Variants in CCDC73 observed in about 807,000 individuals in gnomAD.
CCDC73 encodes coiled-coil domain containing 73, also known as coiled-coil domain-containing protein 73.
Under a neutral mutation model 116.5 loss-of-function variants are expected in CCDC73, and 95 were observed. The observed-to-expected ratio is 0.82, with a 90% CI of 0.69 to 0.97. The LOEUF (loss-of-function observed/expected upper bound fraction) is 0.97. CCDC73 is among the 50% of genes least tolerant of loss of function. The pLI is 0.00. For missense variants in CCDC73, 1,066 were observed against 1,206.8 expected (o/e 0.88, Z 1.73); for synonymous variants, 398 against 401.3 (o/e 0.99, Z 0.10).
intron 16 of CCDC73, 65 bp from the exon 17 acceptor site, chr11:32,611,330 A>C: frequency 7.2e-7 from 1 of 1,379,678 alleles, no homozygotes; most frequent in Non-Finnish European, 1.0e-6. Context: ...TAGTGACTGA[A>C]CTTGTTTCTG....
At chr11:32,796,928 C>G (rs992911219), upstream of CCDC73, among the ~76,000 whole-genome samples, 1 of 148,202 alleles carries the variant, frequency 6.7e-6, no homozygotes, top group Non-Finnish European at 1.5e-5. Flanking sequence ...GTAAGAATCG[C>G]TTGAACCCAG....
At chr11:32,796,130 G>T (rs2133413100), upstream of CCDC73, among the ~76,000 whole-genome samples, 1 of 152,264 alleles carries the variant, frequency 6.6e-6, no homozygotes, top group Middle Eastern at 3.4e-3. Context: ...TAACACCCAT[G>T]CACATCCCCT....
intron 2 of CCDC73, among the ~76,000 whole-genome samples, chr11:32,752,926 C>T (rs1041547627): frequency 5.3e-5 from 8 of 152,166 alleles, no homozygotes; most frequent in Admixed American, 3.9e-4. Context: ...CCTCAGCCTC[C>T]TGCCCAGGTA....
intron 3 of CCDC73, among the ~76,000 whole-genome samples, chr11:32,712,758 T>C (rs542801712): frequency 7.0e-6 from 1 of 142,132 alleles, no homozygotes; most frequent in Non-Finnish European, 1.5e-5. Context: ...TTACTTTTTA[T>C]GTTATTCATT....
At position 32,683,566 on chromosome 11, in the gene CCDC73, T is replaced by C. The variant is rs1409908795; in HGVS notation, c.399A>G (p.Lys133=). The C allele has an allele frequency of 6.7e-7, 1 of 1,494,936 alleles. No homozygotes were observed. Among genetic ancestry groups the C allele is most frequent in the African/African-American group, 1.4e-5 (1 of 72,110 alleles). 92.6% of individuals were successfully genotyped at this position (1,494,936 alleles called of 1,614,324 possible). A position where few individuals can be genotyped will look rare whatever the true frequency, so the allele number is the denominator to read the frequency against. ...KETLKALQVS[K]YSLQKKVSEM... ...CACTCACTTTCTTCTGTAAAGAGTA[T>C]TTAGAAACCTTGAAAAATAAGGGGG... The change falls in exon 7 of 18, where the codon AAA becomes AAG. Residue 133 remains lysine, a synonymous_variant. Coordinates refer to ENST00000335185, the MANE Select transcript of CCDC73 (RefSeq NM_001008391.4).
intron 1 of CCDC73, among the ~76,000 whole-genome samples, chr11:32,785,039 G>A (rs1479072621): frequency 3.3e-5 from 5 of 152,068 alleles, no homozygotes; most frequent in Admixed American, 1.3e-4. Context: ...GGTGGTGGGC[G>A]CCTGTAATCC....
intron 3 of CCDC73, among the ~76,000 whole-genome samples, chr11:32,715,770 A>AAAACC (rs1849939829): frequency 6.6e-6 from 1 of 152,116 alleles, no homozygotes. Context: ...TAAGACTATA[A>AAAACC]AAACCAATAA....
chr11:32,706,184 C>T (rs1024452261), intron 3 of CCDC73, among the ~76,000 whole-genome samples: 1 of 152,070 alleles, frequency 6.6e-6, no homozygotes, highest in Non-Finnish European at 1.5e-5. Flanking sequence ...TGACTCTAAC[C>T]ACACCTGCAA....
chr11:32,668,207 C>A (rs757313395), intron 9 of CCDC73, among the ~76,000 whole-genome samples: 1 of 152,072 alleles, frequency 6.6e-6, no homozygotes, highest in Admixed American at 6.5e-5. Flanking sequence ...ATTTTCCCTA[C>A]TGGTAAAATA....
At chr11:32,686,209 C>CAAAA (rs34582756) in intron 6 of CCDC73, among the ~76,000 whole-genome samples, 26 of 56,848 alleles carry the variant, frequency 4.6e-4, no homozygotes, top group African/African-American at 8.6e-4. Flanking sequence ...GAGGGAAAGC[C>CAAAA]AAAAAAAAAA....
chr11:32,644,253 A>G (rs990956918), intron 12 of CCDC73, among the ~76,000 whole-genome samples: 3 of 152,190 alleles, frequency 2.0e-5, no homozygotes, highest in Admixed American at 6.5e-5. Context: ...CAAATACCAC[A>G]TGTTCTCACT....
At chr11:32,810,386 C>A in the CCDC73 span, among the ~76,000 whole-genome samples, 1 of 152,158 alleles carries the variant, frequency 6.6e-6, no homozygotes, top group Non-Finnish European at 1.5e-5. Flanking sequence ...AATAACTGAA[C>A]TTAAAGCTAA....
intron 9 of CCDC73, among the ~76,000 whole-genome samples, chr11:32,661,304 A>C (rs1855920996): frequency 6.6e-6 from 1 of 152,062 alleles, no homozygotes. Context: ...GTGAATCGAC[A>C]ATTTTTTTTA....
rs141373063 is a variant in CCDC73, at chr11:32,677,031, C to G, written c.430-1010G>C. On this transcript the variant is annotated intron_variant, in intron 7 of 17. Transcript: ENST00000335185. ...ATAACACTTGTTAGAAGTTTTTTAT[C>G]TTCACTTGACATTAGCAGAATCATT... 7.2e-3 allele frequency among the ~76,000 whole-genome samples: 1,094 copies of G among 152,246 alleles called. 12 individuals are homozygous for G. Among genetic ancestry groups the G allele is most frequent in the African/African-American group, 0.025 (1,023 of 41,550 alleles).
intron 12 of CCDC73, among the ~76,000 whole-genome samples, chr11:32,652,410 A>G (rs1855834376): frequency 2.0e-5 from 3 of 152,328 alleles, no homozygotes; most frequent in Non-Finnish European, 2.9e-5. Context: ...CTTTACTGGT[A>G]ACACTAGAGT....
At chr11:32,691,087 C>G (rs1256304464) in intron 6 of CCDC73, among the ~76,000 whole-genome samples, 1 of 151,854 alleles carries the variant, frequency 6.6e-6, no homozygotes, top group East Asian at 1.9e-4. Flanking sequence ...TCTTGTCCCC[C>G]AGGCTGGAGT....
At chr11:32,803,240 G>A in the CCDC73 span, among the ~76,000 whole-genome samples, 18 of 152,142 alleles carry the variant, frequency 1.2e-4, no homozygotes, top group Admixed American at 5.9e-4. Flanking sequence ...ACAGATGTGC[G>A]CCACCACATC....
chr11:32,667,490 C>T (rs936461483), intron 9 of CCDC73, among the ~76,000 whole-genome samples: 5 of 152,166 alleles, frequency 3.3e-5, no homozygotes, highest in African/African-American at 7.2e-5. Flanking sequence ...TCCTGGTGTG[C>T]CATTTGCTAG....
intron 3 of CCDC73, among the ~76,000 whole-genome samples, chr11:32,714,631 A>C (rs573772832): frequency 6.6e-6 from 1 of 152,218 alleles, no homozygotes; most frequent in South Asian, 2.1e-4. Context: ...GGTTTCACTA[A>C]TACATGGAAT....
Sources: gnomAD v4.1 joint callset for allele counts (sites outside exome capture counted in the v4.1 genomes callset) on GRCh38, gnomAD v4.1.1 for gene constraint, MANE v1.5 for transcripts, NCBI Gene and HGNC (gene_info 2026-07-23, HGNC 2026-07-21) for gene names.